ZNF267: variants seen among roughly 807,000 people sequenced by gnomAD.
ZNF267 encodes zinc finger protein 267, also known as zinc finger (C2H2).
Under a neutral mutation model 71.6 loss-of-function variants are expected in ZNF267, and 61 were observed. The observed-to-expected ratio is 0.85, with a 90% CI of 0.69 to 1.05. The LOEUF is 1.05. Ranked by LOEUF, ZNF267 falls within the 50% of genes least tolerant of loss-of-function variation. ZNF267 has a pLI of 0.00. For synonymous variants in ZNF267, 288 were observed against 293.2 expected (o/e 0.98, Z 0.18); for missense variants, 852 against 870.0 (o/e 0.98, Z 0.26).
In ZNF267 at chr16:31,885,158, C is replaced by G. The variant is rs778408949; in HGVS notation, c.131-3C>G. ...AGTCATGTGAATTTTTCCAATAAAA[C>G]AGGTCTTGTTGTCTCTAAGCCGGAC... On this transcript the variant is annotated splice_polypyrimidine_tract_variant and splice_region_variant and intron_variant, in intron 2 of 3. Coordinates refer to ENST00000300870, the MANE Select transcript of ZNF267 (RefSeq NM_003414.6). The G allele has an allele frequency of 1.9e-6, 3 of 1,588,030 alleles. No individual in the cohort carries two copies. Among genetic ancestry groups the G allele is most frequent in the Non-Finnish European group, 2.6e-6 (3 of 1,170,900 alleles).
Position 31,915,914 on chromosome 16 carries a change from A to G in ZNF267, c.1665A>G (p.Lys555=), listed in dbSNP as rs376119387. Reference sequence around the variant, plus strand: ...CCTATAAATGTAAAGAATGTGGCAAAGCCTTTCCTTATAGTTCACACCTTA... The same window carrying G: ...CCTATAAATGTAAAGAATGTGGCAAGGCCTTTCCTTATAGTTCACACCTTA... The part of the protein sequence containing the change: ...EKPYKCKECG[K]AFPYSSHLIR... Residue 555 remains lysine (K), a synonymous_variant, in exon 4 of 4, where the codon AAA becomes AAG. Transcript: ENST00000300870. The G allele has an allele frequency of 6.2e-7, 1 of 1,613,838 alleles. No individual in the cohort carries two copies. The highest frequency in any genetic ancestry group is 1.3e-5 in the African/African-American group (1 of 74,950).
intron 3 of ZNF267, among the ~76,000 whole-genome samples, chr16:31,904,486 T>C (rs748543976): frequency 1.2e-4 from 18 of 152,254 alleles, no homozygotes; most frequent in Non-Finnish European, 2.4e-4. Flanking sequence ...GGGGTACATA[T>C]ATATTTAGGA....
In ZNF267 at chr16:31,885,235, G is replaced by A. The variant is rs766047704; in HGVS notation, c.205G>A (p.Glu69Lys). ...AGAGCCTTGGAATGTGAAGAGTGAGGAGACAGTAGCCATCCAGCCAGGTAG... is the reference window on the plus strand; with the variant it reads ...AGAGCCTTGGAATGTGAAGAGTGAGAAGACAGTAGCCATCCAGCCAGGTAG... Reference protein sequence around the residue: ...RKEPWNVKSEETVAIQPDVFS... With the variant: ...RKEPWNVKSEKTVAIQPDVFS... The change falls in exon 3 of 4, where the codon GAG becomes AAG. Residue 69 changes from glutamate to lysine, a missense_variant. Coordinates refer to ENST00000300870, the MANE Select transcript of ZNF267 (RefSeq NM_003414.6). 1 of 1,608,092 alleles carries A rather than the reference G, an allele frequency of 6.2e-7. No individual in the cohort carries two copies. Among genetic ancestry groups the A allele is most frequent in the Non-Finnish European group, 8.5e-7 (1 of 1,177,034 alleles).
At chr16:31,876,567 A>G (rs1239030934) in intron 1 of ZNF267, among the ~76,000 whole-genome samples, 1 of 152,170 alleles carries the variant, frequency 6.6e-6, no homozygotes. Flanking sequence ...AGAATTGTTT[A>G]TATATGATTA....
intron 3 of ZNF267, chr16:31,894,644 C>A: frequency 2.1e-6 from 1 of 485,368 alleles, no homozygotes. Context: ...CTGGACATGC[C>A]TGCTGGAGAC....
intron 1 of ZNF267, chr16:31,874,280 T>G: frequency 3.0e-6 from 1 of 331,096 alleles, no homozygotes; most frequent in Non-Finnish European, 5.5e-6. Flanking sequence ...GACGGGAGCG[T>G]CTCAGGGGAG....
At position 31,915,837 on chromosome 16, in the gene ZNF267, A is replaced by G; in HGVS notation, c.1588A>G (p.Thr530Ala). The G allele has an allele frequency of 1.2e-6, 2 of 1,613,530 alleles. No individual in the cohort carries two copies. Among genetic ancestry groups the G allele is most frequent in the Non-Finnish European group, 1.7e-6 (2 of 1,179,976 alleles). ...YKCKVCAKPF[T>A]CFSNLIVHER... is the part of the protein sequence containing the mutation. ...ATGCAAAGTATGTGCTAAACCTTTT[A>G]CTTGTTTCTCAAATCTTATTGTGCA... Residue 530 changes from threonine (T) to alanine (A), a missense_variant, in exon 4 of 4, where the codon ACT becomes GCT. Transcript: ENST00000300870.
intron 1 of ZNF267, chr16:31,875,388 A>T: frequency 8.7e-7 from 1 of 1,154,448 alleles, no homozygotes; most frequent in South Asian, 1.4e-5. Context: ...CTAAAAAGAT[A>T]ACCCCTTGGG....
rs960460053 is a variant in ZNF267 at position 31,915,177 on chromosome 16, C to G, written c.928C>G (p.Leu310Val). 6.2e-7 allele frequency: 1 copy of G among 1,612,734 alleles called. No individual in the cohort carries two copies. The highest frequency in any genetic ancestry group is 1.3e-5 in the African/African-American group (1 of 74,786). Reference protein sequence around the residue: ...YDKDLSQSSNLRKQIIHNEEK... With the variant: ...YDKDLSQSSNVRKQIIHNEEK... ...TAAAGATCTTAGTCAGTCATCAAAT[C>G]TTAGAAAGCAGATAATCCATAATGA... is the stretch of plus-strand genomic sequence containing the variant. The change falls in exon 4 of 4, where the codon CTT becomes GTT. Residue 310 changes from leucine to valine, a missense_variant. Leu to Val is a conservative substitution (Grantham distance 32). Transcript: ENST00000300870.
intron 3 of ZNF267, among the ~76,000 whole-genome samples, chr16:31,896,072 C>T (rs1331828268): frequency 6.6e-6 from 1 of 152,156 alleles, no homozygotes; most frequent in African/African-American, 2.4e-5. Context: ...AGTGAAGTAG[C>T]ATGATCATAG....
chr16:31,882,906 G>A (rs1035414323), intron 1 of ZNF267, among the ~76,000 whole-genome samples: 14 of 152,296 alleles, frequency 9.2e-5, no homozygotes, highest in African/African-American at 3.4e-4. Context: ...TTTACTGAGT[G>A]ATGTCTATAA....
chr16:31,896,141 A>G (rs908777240), intron 3 of ZNF267, among the ~76,000 whole-genome samples: 3 of 151,546 alleles, frequency 2.0e-5, no homozygotes, highest in African/African-American at 7.3e-5. Context: ...CCACTTGAGT[A>G]GGCTCACTAT....
intron 3 of ZNF267, among the ~76,000 whole-genome samples, chr16:31,901,808 A>C (rs901024042): frequency 3.9e-5 from 6 of 151,978 alleles, no homozygotes; most frequent in African/African-American, 1.5e-4. Flanking sequence ...ATTAGATCCC[A>C]TTTGTCAATT....
intron 3 of ZNF267, among the ~76,000 whole-genome samples, chr16:31,889,016 TCA>T (rs1377556318): frequency 6.6e-6 from 1 of 152,072 alleles, no homozygotes; most frequent in Non-Finnish European, 1.5e-5. Context: ...TTCTGTTTCT[TCA>T]CAGTGTGGTG....
chr16:31,905,753 A>G (rs1303814543), intron 3 of ZNF267, among the ~76,000 whole-genome samples: 2 of 151,976 alleles, frequency 1.3e-5, no homozygotes, highest in African/African-American at 2.4e-5. Flanking sequence ...AGCTCAGAGT[A>G]GTTTGATTGT....
At chr16:31,907,323 C>A (rs915154589) in intron 3 of ZNF267, among the ~76,000 whole-genome samples, 1 of 152,134 alleles carries the variant, frequency 6.6e-6, no homozygotes, top group African/African-American at 2.4e-5. Flanking sequence ...TGTTGGCCTA[C>A]TTGATAGTAT....
chr16:31,877,637 C>G (rs1288022408), intron 1 of ZNF267, among the ~76,000 whole-genome samples: 1 of 152,110 alleles, frequency 6.6e-6, no homozygotes, highest in African/African-American at 2.4e-5. Flanking sequence ...CAGAGCTGTT[C>G]AGCTGAGTCA....
intron 3 of ZNF267, chr16:31,911,991 G>C (rs2084139258): frequency 6.6e-6 from 1 of 150,866 alleles, no homozygotes; most frequent in Admixed American, 6.6e-5. Context: ...ACTTTTTGTT[G>C]GTTCTCTTTA....
intron 3 of ZNF267, among the ~76,000 whole-genome samples, chr16:31,906,566 A>C (rs1198623705): frequency 6.6e-6 from 1 of 152,212 alleles, no homozygotes; most frequent in Non-Finnish European, 1.5e-5. Flanking sequence ...TGGGTGTAGG[A>C]ACCTCCGAGC....
Sources: allele counts gnomAD v4.1 joint callset (sites outside exome capture counted in the v4.1 genomes callset), GRCh38; gene constraint gnomAD v4.1.1; transcripts MANE v1.5; gene names NCBI Gene and HGNC (gene_info 2026-07-23, HGNC 2026-07-21).